TDRD10: variants seen among roughly 807,000 people sequenced by gnomAD.
TDRD10 encodes the protein tudor domain containing 10.
TDRD10 carries 40 observed loss-of-function variants against 48.0 expected under a neutral mutation model. That is an observed-to-expected ratio of 0.83 (90% CI 0.65 to 1.09). The LOEUF is 1.09. TDRD10 is among the 50% of genes least tolerant of loss of function. The probability of loss-of-function intolerance (pLI) is 0.00; values close to 1 mark genes in which losing one functional copy is unlikely to be tolerated. For missense variants in TDRD10, 378 were observed against 434.7 expected, an observed-to-expected ratio of 0.87 and a Z score of 1.16; for synonymous variants, 162 against 170.4, an observed-to-expected ratio of 0.95 and a Z score of 0.38.
intron 6 of TDRD10, among the ~76,000 whole-genome samples, chr1:154,530,205 G>C (rs1694536482): frequency 6.6e-6 from 1 of 151,836 alleles, no homozygotes; most frequent in African/African-American, 2.4e-5. Context: ...CGTAGAGAGA[G>C]GGTTTCACCG....
chr1:154,532,558 G>A (rs906521261), intron 6 of TDRD10, among the ~76,000 whole-genome samples: 1 of 152,214 alleles, frequency 6.6e-6, no homozygotes, highest in African/African-American at 2.4e-5. Context: ...CCTCAAGCGC[G>A]GCCAGAATGG....
intron 6 of TDRD10, among the ~76,000 whole-genome samples, chr1:154,525,891 G>A (rs1412821322): frequency 1.4e-3 from 76 of 54,770 alleles, no homozygotes; most frequent in Middle Eastern, 0.034. Context: ...GCAAGATTCC[G>A]TCTCAAAAAA....
chr1:154,543,910 T>A (rs758963449), intron 8 of TDRD10, 53 bp from the exon 9 acceptor site: 89 of 1,604,034 alleles, frequency 5.5e-5, no homozygotes, highest in Middle Eastern at 1.7e-4. Context: ...GTCGTTCCTT[T>A]CCTTGCGTTG....
chr1:154,513,777 A>G (rs1693604453), intron 4 of TDRD10, among the ~76,000 whole-genome samples: 1 of 152,246 alleles, frequency 6.6e-6, no homozygotes, highest in African/African-American at 2.4e-5. Context: ...ATAGAAGACC[A>G]AAATAATGCC....
intron 6 of TDRD10, among the ~76,000 whole-genome samples, chr1:154,532,612 G>T (rs1694695459): frequency 6.6e-6 from 1 of 152,208 alleles, no homozygotes; most frequent in South Asian, 2.1e-4. Flanking sequence ...AGGGCTGCGA[G>T]GGCTGCCAGC....
At chr1:154,519,662 C>A (rs1693952792) in intron 4 of TDRD10, among the ~76,000 whole-genome samples, 1 of 152,120 alleles carries the variant, frequency 6.6e-6, no homozygotes, top group South Asian at 2.1e-4. Flanking sequence ...GTGGAGACGG[C>A]TCTTTCTACA....
intron 6 of TDRD10, among the ~76,000 whole-genome samples, chr1:154,529,853 A>G (rs753694481): frequency 6.6e-6 from 1 of 151,978 alleles, no homozygotes; most frequent in South Asian, 2.1e-4. Flanking sequence ...CTTCTTTCTT[A>G]CTTTGTAATG....
At chr1:154,547,272 C>A in intron 11 of TDRD10, 137 bp from the exon 12 acceptor site, 1 of 808,990 alleles carries the variant, frequency 1.2e-6, no homozygotes, top group Non-Finnish European at 2.0e-6. Context: ...TTAGCAGGAA[C>A]TAGCAGAGAC....
Position 154,521,348 on chromosome 1 carries a change from A to G in TDRD10, c.238A>G (p.Met80Val). ...CTTTGCATTTGTAGATCTGGGCTCC[A>G]TGCAGAAAGTGACACTTGCAATCCA... ...KCFAFVDLGS[M>V]QKVTLAIQEL... Residue 80 changes from methionine (M) to valine (V), a missense_variant, in exon 6 of 13, where the codon ATG (methionine) becomes GTG (valine). Transcript: ENST00000368482. 1.2e-6 allele frequency: 2 copies of G among 1,613,938 alleles called. No individual in the cohort carries two copies. The highest frequency in any genetic ancestry group is 1.7e-6 in the Non-Finnish European group (2 of 1,179,970).
chr1:154,529,335 A>G (rs558510693), intron 6 of TDRD10, among the ~76,000 whole-genome samples: 3 of 152,202 alleles, frequency 2.0e-5, no homozygotes, highest in Admixed American at 2.0e-4. Context: ...CAGCCTCCCA[A>G]AGTGCTGGGA....
Position 154,544,059 on chromosome 1 carries a change from G to T in TDRD10, c.600G>T (p.Val200=). The change falls in exon 9 of 13, where the codon GTG becomes GTT. Residue 200 remains valine, a synonymous_variant. Coordinates refer to ENST00000368482, the MANE Select transcript of TDRD10 (RefSeq NM_182499.4). ...TCCGTGGGGAGGCGGGGCTGCTGGT[G>T]ACGAGTATCGTCCCGAAGACCCCGT... ...HSVRGEAGLL[V]TSIVPKTPFF... 1.2e-6 allele frequency: 2 copies of T among 1,614,208 alleles called. No homozygotes were observed. Among genetic ancestry groups the T allele is most frequent in the Non-Finnish European group, 1.7e-6 (2 of 1,180,022 alleles).
chr1:154,532,979 A>G (rs1257231827), intron 6 of TDRD10, among the ~76,000 whole-genome samples: 1 of 151,074 alleles, frequency 6.6e-6, no homozygotes, highest in African/African-American at 2.4e-5. Context: ...CACCCCCCCC[A>G]GTAGGGAGAG....
intron 6 of TDRD10, chr1:154,534,720 A>G (rs1371445242): frequency 6.6e-6 from 1 of 152,174 alleles, no homozygotes; most frequent in African/African-American, 2.4e-5. Flanking sequence ...AAGATTTGTT[A>G]TTGCTTTTTG....
intron 6 of TDRD10, among the ~76,000 whole-genome samples, chr1:154,530,134 C>A (rs1233417585): frequency 6.6e-6 from 1 of 152,132 alleles, no homozygotes; most frequent in African/African-American, 2.4e-5. Context: ...CCTGCCTCAG[C>A]CTCCCGAGGA....
intron 5 of TDRD10, 80 bp downstream of exon 5, chr1:154,520,454 C>A: frequency 1.8e-6 from 2 of 1,101,034 alleles, no homozygotes; most frequent in Non-Finnish European, 2.8e-6. Flanking sequence ...ACTCATGTTG[C>A]AGACTAGCCC....
chr1:154,532,457 C>T (rs1289523169), intron 6 of TDRD10, among the ~76,000 whole-genome samples: 1 of 152,304 alleles, frequency 6.6e-6, no homozygotes, highest in Non-Finnish European at 1.5e-5. Context: ...GTGCTTCTCC[C>T]TCCACACCTG....
intron 4 of TDRD10, 48 bp downstream of exon 4, chr1:154,508,529 ATGAC>A (rs1397592413): frequency 8.0e-7 from 1 of 1,256,548 alleles, no homozygotes; most frequent in Non-Finnish European, 1.2e-6. Context: ...GCCTTCCCAT[ATGAC>A]TTAGTAACCT....
At position 154,507,217 on chromosome 1, in the gene TDRD10, G is replaced by T. The variant is rs775611605; in HGVS notation, c.3-24G>T. 5 of 1,613,610 alleles carry T rather than the reference G, an allele frequency of 3.1e-6. No individual in the cohort carries two copies. The African/African-American group carries it at 5.3e-5, about 17-fold the overall frequency. ...GTCGGAGTCTGAGCTTGGGAGGTTC[G>T]ATGCTGACACCTGTGTTTGACAGGT... On this transcript the variant is annotated intron_variant, in intron 2 of 12. Transcript: ENST00000368482.
chr1:154,508,360 C>T (rs1693264447), intron 3 of TDRD10, 63 bp from the exon 4 acceptor site: 1 of 1,144,296 alleles, frequency 8.7e-7, no homozygotes, highest in South Asian at 1.2e-5. Context: ...ATCCTGTATT[C>T]TGACTCCTCT....
Sources: allele counts gnomAD v4.1 joint callset (sites outside exome capture counted in the v4.1 genomes callset), GRCh38; gene constraint gnomAD v4.1.1; transcripts MANE v1.5; gene names NCBI Gene and HGNC (gene_info 2026-07-23, HGNC 2026-07-21).